MGMT: variants seen among roughly 807,000 people sequenced by gnomAD.
MGMT encodes O-6-methylguanine-DNA methyltransferase.
In MGMT, 14 loss-of-function variants were observed where a neutral mutation model predicts 15.9. The observed-to-expected ratio is 0.88, with a 90% CI of 0.58 to 1.37. The LOEUF (loss-of-function observed/expected upper bound fraction) is 1.37. MGMT is among the 40% of genes most tolerant of loss of function. The probability of loss-of-function intolerance (pLI) is 0.00; values close to 1 mark genes in which losing one functional copy is unlikely to be tolerated. For missense variants in MGMT, 282 were observed against 268.1 expected, an observed-to-expected ratio of 1.05 and a Z score of -0.36; for synonymous variants, 130 against 118.2, an observed-to-expected ratio of 1.10 and a Z score of -0.65.
At chr10:129,506,261 T>C (rs1470478913) in intron 1 of MGMT, among the ~76,000 whole-genome samples, 1 of 152,128 alleles carries the variant, frequency 6.6e-6, no homozygotes, top group East Asian at 1.9e-4. Context: ...TTCATTGGTC[T>C]CTGTAGAACT....
rs542504814 is a variant in MGMT, at chr10:129,573,863, A to T, written c.125+37486A>T. On this transcript the variant is annotated intron_variant, in intron 2 of 4. Transcript: ENST00000651593. ...AATGTTGTTATAAAATTATTCTAAGATCACCGAATGGAGAATACTTAGATT... is the reference window on the plus strand; with the variant it reads ...AATGTTGTTATAAAATTATTCTAAGTTCACCGAATGGAGAATACTTAGATT... 3.9e-5 allele frequency among the ~76,000 whole-genome samples: 6 copies of T among 152,322 alleles called. No homozygotes were observed. In the South Asian group the frequency reaches 1.0e-3, roughly 26 times the overall value.
chr10:129,698,310 C>T (rs1848055755), intron 2 of MGMT, among the ~76,000 whole-genome samples: 1 of 152,162 alleles, frequency 6.6e-6, no homozygotes, highest in Non-Finnish European at 1.5e-5. Flanking sequence ...AAGCCCATGT[C>T]CAGGCATGCA....
chr10:129,652,728 T>TGGCC (rs1390534943), intron 2 of MGMT, among the ~76,000 whole-genome samples: 1 of 152,094 alleles, frequency 6.6e-6, no homozygotes. Context: ...TGGTGCCAGA[T>TGGCC]GGCCGGCCGG....
chr10:129,685,447 G>T (rs1047108135), intron 2 of MGMT, among the ~76,000 whole-genome samples: 1 of 152,084 alleles, frequency 6.6e-6, no homozygotes, highest in Non-Finnish European at 1.5e-5. Context: ...TAACGTCTCC[G>T]CTGAGCCTGC....
At chr10:129,517,707 G>A (rs1423496231) in intron 1 of MGMT, among the ~76,000 whole-genome samples, 1 of 152,212 alleles carries the variant, frequency 6.6e-6, no homozygotes, top group Non-Finnish European at 1.5e-5. Context: ...GGAGGAAAAA[G>A]TCTGGGGCCC....
chr10:129,483,326 A>G (rs531795226), intron 1 of MGMT, among the ~76,000 whole-genome samples: 2 of 152,296 alleles, frequency 1.3e-5, no homozygotes, highest in South Asian at 2.1e-4. Context: ...CAGAATTTAC[A>G]TTTATTTGCA....
chr10:129,548,604 A>C (rs1253905557), intron 2 of MGMT, among the ~76,000 whole-genome samples: 1 of 152,212 alleles, frequency 6.6e-6, no homozygotes, highest in African/African-American at 2.4e-5. Context: ...TGAGACCGTG[A>C]CACCCTTCTC....
At chr10:129,714,131 G>A (rs536442813) in intron 3 of MGMT, among the ~76,000 whole-genome samples, 3 of 152,336 alleles carry the variant, frequency 2.0e-5, no homozygotes, top group Admixed American at 6.5e-5. Flanking sequence ...TAGGCGCCCC[G>A]AGCTCTCCTG....
Position 129,655,300 on chromosome 10 carries a change from G to A in MGMT, c.126-52595G>A, listed in dbSNP as rs921855082. The stretch of plus-strand genomic sequence containing the variant: ...CTCACTGGCCTGGTGTGGAGGGGCC[G>A]CCTCCGAGCATGCGGAGAAGTGGTT... On this transcript the variant is annotated intron_variant, in intron 2 of 4. Coordinates refer to ENST00000651593, the MANE Select transcript of MGMT (RefSeq NM_002412.5). Among the ~76,000 whole-genome samples, 35 of 152,196 alleles carry A rather than the reference G, an allele frequency of 2.3e-4. 1 individual carries two copies. The highest frequency in any genetic ancestry group is 6.8e-4 in the African/African-American group (28 of 41,454).
chr10:129,545,270 C>A (rs769889422), intron 2 of MGMT, among the ~76,000 whole-genome samples: 5 of 152,146 alleles, frequency 3.3e-5, no homozygotes, highest in Non-Finnish European at 7.3e-5. Flanking sequence ...CTCTTGCCTG[C>A]AGTTGAGGGA....
At chr10:129,738,361 T>C (rs1368632119) in intron 3 of MGMT, among the ~76,000 whole-genome samples, 1 of 152,234 alleles carries the variant, frequency 6.6e-6, no homozygotes, top group Non-Finnish European at 1.5e-5. Context: ...GAAAGGGAAC[T>C]CCCTGACCCC....
At chr10:129,704,435 G>A (rs1461066893) in intron 2 of MGMT, among the ~76,000 whole-genome samples, 2 of 152,080 alleles carry the variant, frequency 1.3e-5, no homozygotes, top group Non-Finnish European at 2.9e-5. Context: ...TGTATTAAGG[G>A]TACTGGGCTG....
At chr10:129,612,992 A>G (rs555299318) in intron 2 of MGMT, among the ~76,000 whole-genome samples, 18 of 152,230 alleles carry the variant, frequency 1.2e-4, no homozygotes, top group African/African-American at 4.3e-4. Flanking sequence ...ACCATGTTAT[A>G]GCCGAGTTCA....
At position 129,575,215 on chromosome 10, in the gene MGMT, AATC is replaced by A. The variant is rs1846465947; in HGVS notation, c.125+38840_125+38842del. ...GACATCTACAGAACTCTCCACCCCA[AATC>A]AACAGAATATACTTTTTTTTCAGCA... On this transcript the variant is annotated intron_variant, in intron 2 of 4. Transcript: ENST00000651593. Among the ~76,000 whole-genome samples the A allele has an allele frequency of 2.0e-5, 3 of 152,282 alleles. No homozygotes were observed. The South Asian group carries it at 6.2e-4, about 32-fold the overall frequency.
At chr10:129,573,283 T>TA (rs1182989808) in intron 2 of MGMT, among the ~76,000 whole-genome samples, 3 of 152,164 alleles carry the variant, frequency 2.0e-5, no homozygotes, top group African/African-American at 4.8e-5. Context: ...ACTAGATTTT[T>TA]AAAAAACTTT....
At chr10:129,581,442 A>T (rs574063955) in intron 2 of MGMT, among the ~76,000 whole-genome samples, 83 of 152,200 alleles carry the variant, frequency 5.5e-4, no homozygotes, top group Non-Finnish European at 1.0e-3. Flanking sequence ...ATGGTCTCGC[A>T]GCCAAGTAGG....
intron 3 of MGMT, among the ~76,000 whole-genome samples, chr10:129,739,494 G>A (rs1848605472): frequency 6.6e-6 from 1 of 152,174 alleles, no homozygotes; most frequent in South Asian, 2.1e-4. Context: ...AGGTGCACGT[G>A]CTGTGCTTGT....
chr10:129,548,688 C>T (rs1430876879), intron 2 of MGMT, among the ~76,000 whole-genome samples: 3 of 152,182 alleles, frequency 2.0e-5, no homozygotes, highest in Non-Finnish European at 2.9e-5. Context: ...GCCTGTGGGC[C>T]GTGCAGGGTG....
intron 2 of MGMT, among the ~76,000 whole-genome samples, chr10:129,646,924 C>A (rs1046556312): frequency 6.6e-6 from 1 of 151,166 alleles, no homozygotes; most frequent in Non-Finnish European, 1.5e-5. Context: ...GCCGCCCCTC[C>A]GTCCTCTTTC....
Sources: allele counts gnomAD v4.1 joint callset (sites outside exome capture counted in the v4.1 genomes callset), GRCh38; gene constraint gnomAD v4.1.1; transcripts MANE v1.5; gene names NCBI Gene and HGNC (gene_info 2026-07-23, HGNC 2026-07-21).